The following PDE9A variants were observed in gnomAD, a reference collection of about 807,000 sequenced individuals.
The protein encoded by PDE9A is high affinity cGMP-specific 3',5'-cyclic phosphodiesterase 9A.
Under a neutral mutation model 87.4 loss-of-function variants are expected in PDE9A, and 60 were observed. The ratio of observed to expected loss-of-function variants is 0.69; its 90% CI spans 0.56 to 0.85. The LOEUF (loss-of-function observed/expected upper bound fraction) is 0.85, where lower values mean the gene tolerates loss of function less well. Ranked by LOEUF, PDE9A falls within the 40% of genes least tolerant of loss-of-function variation. PDE9A has a pLI of 0.00. For synonymous variants in PDE9A, 272 were observed against 279.4 expected (o/e 0.97, Z 0.27); for missense variants, 665 against 779.0 (o/e 0.85, Z 1.74).
At chr21:42,686,301 C>T (rs1384063939) in intron 2 of PDE9A, 39 bp downstream of exon 2, 12 of 1,548,992 alleles carry the variant, frequency 7.7e-6, no homozygotes, top group Admixed American at 3.3e-5. Flanking sequence ...TGACGCCACG[C>T]GGCCTCCTCG....
chr21:42,757,510 A>T (rs1328095727), intron 10 of PDE9A: 1 of 152,266 alleles, frequency 6.6e-6, no homozygotes, highest in African/African-American at 2.4e-5. Flanking sequence ...TGAGGCTGCC[A>T]TAACAAAGTA....
intron 17 of PDE9A, among the ~76,000 whole-genome samples, chr21:42,769,653 GGCACACATAGGCACACAAAT>G (rs1569280292): frequency 2.0e-3 from 81 of 39,902 alleles, no homozygotes; most frequent in Non-Finnish European, 8.6e-5. Context: ...GGGACACACA[GGCACACATAGGCACACAAAT>G]GCACACACAG....
intron 1 of PDE9A, among the ~76,000 whole-genome samples, chr21:42,679,586 C>A (rs1274659895): frequency 6.6e-6 from 1 of 152,156 alleles, no homozygotes; most frequent in South Asian, 2.1e-4. Context: ...TCCGACCCAG[C>A]CTCACCCTGC....
chr21:42,734,278 G>A (rs910006628), intron 7 of PDE9A: 1 of 152,208 alleles, frequency 6.6e-6, no homozygotes, highest in African/African-American at 2.4e-5. Context: ...TTCAAGTCCT[G>A]ATTCAATGAT....
At chr21:42,736,007 C>T (rs2052370393) in intron 7 of PDE9A, among the ~76,000 whole-genome samples, 4 of 152,150 alleles carry the variant, frequency 2.6e-5, no homozygotes, top group South Asian at 4.2e-4. Flanking sequence ...CCCCTCTTTA[C>T]GGACACAAAA....
intron 3 of PDE9A, among the ~76,000 whole-genome samples, chr21:42,690,290 T>C (rs1370726683): frequency 4.0e-5 from 6 of 148,930 alleles, no homozygotes; most frequent in African/African-American, 7.4e-5. Context: ...GAAGAGGAAG[T>C]TAGACGCGGA....
rs893736135 is a variant in PDE9A, at chr21:42,739,297, C to G, written c.569-4479C>G. On this transcript the variant is annotated intron_variant, in intron 7 of 19. Transcript: ENST00000291539. This position sits in a 1 kb window ranked among gnomAD's most constrained non-coding sequence, Gnocchi z 4.1. Reference sequence around the variant, plus strand: ...ACCTCTCAGGCTTGAGGCCCCCCGCCCCACAGGACTGGCCCGCTCCTCCCT... The same window carrying G: ...ACCTCTCAGGCTTGAGGCCCCCCGCGCCACAGGACTGGCCCGCTCCTCCCT... 3.3e-5 allele frequency among the ~76,000 whole-genome samples: 5 copies of G among 152,228 alleles called. No individual in the cohort carries two copies. The highest frequency in any genetic ancestry group is 1.2e-4 in the African/African-American group (5 of 41,466).
intron 4 of PDE9A, among the ~76,000 whole-genome samples, chr21:42,717,859 C>T (rs2146543513): frequency 6.6e-6 from 1 of 151,798 alleles, no homozygotes; most frequent in Admixed American, 6.6e-5. Context: ...CATTATTCCT[C>T]TGTATGAAGT....
intron 1 of PDE9A, among the ~76,000 whole-genome samples, chr21:42,682,900 C>A (rs946528117): frequency 1.3e-5 from 2 of 152,162 alleles, no homozygotes; most frequent in Non-Finnish European, 2.9e-5. Context: ...CCTTCCGGAA[C>A]CTTTGCAGAT....
intron 3 of PDE9A, among the ~76,000 whole-genome samples, chr21:42,698,246 T>C (rs1026494416): frequency 6.6e-6 from 1 of 152,210 alleles, no homozygotes; most frequent in Non-Finnish European, 1.5e-5. Flanking sequence ...AGCACCTCTC[T>C]TACCAGGTTT....
chr21:42,682,000 G>C lies in PDE9A; in HGVS notation c.70-4192G>C, dbSNP rs143039131. Among the ~76,000 whole-genome samples the C allele has an allele frequency of 4.1e-4, 62 of 152,348 alleles. No homozygotes were observed. The East Asian group carries it at 0.012, about 29-fold the overall frequency. On this transcript the variant is annotated intron_variant, in intron 1 of 19. Coordinates refer to ENST00000291539, the MANE Select transcript of PDE9A (RefSeq NM_002606.3). ...CCACAGTCAGGAGCAGCATCAGGCTGGGTGCTTCTGACACCAGCGAAGAGC... is the reference window on the plus strand; with the variant it reads ...CCACAGTCAGGAGCAGCATCAGGCTCGGTGCTTCTGACACCAGCGAAGAGC...
At chr21:42,680,510 G>A (rs2059113212) in intron 1 of PDE9A, among the ~76,000 whole-genome samples, 1 of 152,234 alleles carries the variant, frequency 6.6e-6, no homozygotes, top group African/African-American at 2.4e-5. Flanking sequence ...TCTGACTGAT[G>A]GGGCCATCAC....
chr21:42,771,025 C>T (rs568516135), intron 18 of PDE9A, among the ~76,000 whole-genome samples: 23 of 152,366 alleles, frequency 1.5e-4, no homozygotes, highest in African/African-American at 5.3e-4. Flanking sequence ...TCAGTACCTT[C>T]GAGGGAGTTT....
chr21:42,766,423 CT>C (rs2056409674), intron 15 of PDE9A, among the ~76,000 whole-genome samples: 1 of 152,164 alleles, frequency 6.6e-6, no homozygotes, highest in South Asian at 2.1e-4. Flanking sequence ...AGGTGCACCC[CT>C]GGCATTCTTA....
At chr21:42,671,691 T>G (rs2839568) in intron 1 of PDE9A, among the ~76,000 whole-genome samples, 1 of 152,084 alleles carries the variant, frequency 6.6e-6, no homozygotes, top group African/African-American at 2.4e-5. Flanking sequence ...TAACTTGCAA[T>G]GTTTCTTCAG....
chr21:42,701,814 T>G (rs1473196408), intron 4 of PDE9A, among the ~76,000 whole-genome samples: 1 of 152,232 alleles, frequency 6.6e-6, no homozygotes, highest in Non-Finnish European at 1.5e-5. Context: ...GAATATGTCT[T>G]CTCATTGTGT....
At chr21:42,725,628 C>T (rs563175855) in intron 4 of PDE9A, among the ~76,000 whole-genome samples, 1 of 152,300 alleles carries the variant, frequency 6.6e-6, no homozygotes, top group Admixed American at 6.5e-5. Flanking sequence ...GCGCCTTCCA[C>T]CCAGCACAAC....
chr21:42,773,433 A>G (rs2057204357), intron 19 of PDE9A, among the ~76,000 whole-genome samples: 1 of 152,210 alleles, frequency 6.6e-6, no homozygotes, highest in South Asian at 2.1e-4. Context: ...TATGGCTTTG[A>G]GCATTTTCCT....
chr21:42,662,052 G>GT (rs2057542309), intron 1 of PDE9A, among the ~76,000 whole-genome samples: 2 of 152,342 alleles, frequency 1.3e-5, no homozygotes, highest in African/African-American at 4.8e-5. Flanking sequence ...TCTCTGTGAA[G>GT]TGGGGGGAAG....
Sources: allele counts gnomAD v4.1 joint callset (sites outside exome capture counted in the v4.1 genomes callset), GRCh38; gene constraint gnomAD v4.1.1; non-coding constraint Gnocchi (gnomAD v3.1); transcripts MANE v1.5; gene names NCBI Gene and HGNC (gene_info 2026-07-23, HGNC 2026-07-21).